Variants in EYS observed in about 807,000 individuals in gnomAD.
The protein encoded by EYS is EGF-like photoreceptor maintenance factor.
Under a neutral mutation model 282.1 loss-of-function variants are expected in EYS, and 250 were observed. The ratio of observed to expected loss-of-function variants is 0.89; its 90% CI spans 0.80 to 0.98. EYS has a LOEUF of 0.98. Ranked by LOEUF, EYS falls within the 50% of genes least tolerant of loss-of-function variation. The probability of loss-of-function intolerance (pLI) is 0.00; values close to 1 mark genes in which losing one functional copy is unlikely to be tolerated. For synonymous variants in EYS, 1,355 were observed against 1,282.9 expected (o/e 1.06, Z -1.20); for missense variants, 4,016 against 3,709.0 (o/e 1.08, Z -2.15).
chr6:63,885,873 T>A (rs1223960050), intron 35 of EYS, among the ~76,000 whole-genome samples: 1 of 152,224 alleles, frequency 6.6e-6, no homozygotes, highest in African/African-American at 2.4e-5. Flanking sequence ...TTGGCTAGAC[T>A]TGTACTCTTT....
chr6:65,414,919 A>G (rs1388698698), intron 5 of EYS, among the ~76,000 whole-genome samples: 2 of 152,108 alleles, frequency 1.3e-5, no homozygotes, highest in African/African-American at 4.8e-5. Flanking sequence ...AATGTATAGA[A>G]TGTGCACTTC....
intron 31 of EYS, among the ~76,000 whole-genome samples, chr6:64,204,869 T>C (rs181399803): frequency 5.9e-5 from 9 of 152,254 alleles, no homozygotes; most frequent in African/African-American, 2.2e-4. Context: ...TGCAAGCAAA[T>C]ATTGAGCTCC....
intron 7 of EYS, among the ~76,000 whole-genome samples, chr6:65,391,740 A>G (rs1247056781): frequency 1.3e-5 from 2 of 152,156 alleles, no homozygotes; most frequent in Non-Finnish European, 2.9e-5. Context: ...AAATGGCCAT[A>G]CTGCCCAAGG....
intron 12 of EYS, among the ~76,000 whole-genome samples, chr6:65,139,009 G>T (rs903023846): frequency 3.3e-5 from 5 of 152,100 alleles, no homozygotes; most frequent in Non-Finnish European, 7.4e-5. Context: ...TTCAGCCATT[G>T]TGGAAAGCAT....
chr6:65,361,039 T>C (rs558735804), intron 8 of EYS, among the ~76,000 whole-genome samples: 1 of 152,192 alleles, frequency 6.6e-6, no homozygotes, highest in East Asian at 1.9e-4. Flanking sequence ...TCTGTACTTT[T>C]ACCCAAGGTA....
At chr6:63,931,988 T>C (rs1215203213) in intron 35 of EYS, among the ~76,000 whole-genome samples, 1 of 152,166 alleles carries the variant, frequency 6.6e-6, no homozygotes, top group African/African-American at 2.4e-5. Flanking sequence ...TATGAGCTCA[T>C]ATTTTTGTAG....
At chr6:65,491,444 TG>T (rs1295262098) in intron 4 of EYS, 14 of 310,980 alleles carry the variant, frequency 4.5e-5, no homozygotes. Flanking sequence ...TTTGGCAATA[TG>T]TTTTTTTCCC....
At chr6:64,368,143 T>C (rs1378497919) in intron 29 of EYS, among the ~76,000 whole-genome samples, 1 of 152,110 alleles carries the variant, frequency 6.6e-6, no homozygotes, top group Non-Finnish European at 1.5e-5. Context: ...CTCGTCTGCG[T>C]CCACAGGTGC....
chr6:63,828,989 G>C (rs1027934108), intron 36 of EYS, among the ~76,000 whole-genome samples: 2 of 152,184 alleles, frequency 1.3e-5, no homozygotes, highest in Non-Finnish European at 2.9e-5. Flanking sequence ...TATCTATTGA[G>C]AGGAAAAGAA....
At chr6:64,696,267 T>A (rs1211115696) in intron 22 of EYS, among the ~76,000 whole-genome samples, 1 of 152,078 alleles carries the variant, frequency 6.6e-6, no homozygotes, top group African/African-American at 2.4e-5. Flanking sequence ...CAAGAAAGAA[T>A]CTCAGAATGT....
chr6:64,735,524 G>GA (rs1400618693), intron 22 of EYS, among the ~76,000 whole-genome samples: 1 of 151,864 alleles, frequency 6.6e-6, no homozygotes, highest in South Asian at 2.1e-4. Flanking sequence ...CACAAAATTT[G>GA]AAAAAAATTG....
At chr6:64,960,694 T>C (rs1268701539) in intron 14 of EYS, among the ~76,000 whole-genome samples, 1 of 152,140 alleles carries the variant, frequency 6.6e-6, no homozygotes, top group Non-Finnish European at 1.5e-5. Flanking sequence ...GCAGGTTTGT[T>C]CCATAGATAA....
intron 31 of EYS, among the ~76,000 whole-genome samples, chr6:64,204,418 A>C (rs1287811204): frequency 6.6e-6 from 1 of 152,194 alleles, no homozygotes; most frequent in African/African-American, 2.4e-5. Flanking sequence ...CAGAAATGTC[A>C]TAGCATCTTT....
At chr6:64,200,718 C>A (rs1432849492) in intron 31 of EYS, among the ~76,000 whole-genome samples, 1 of 152,016 alleles carries the variant, frequency 6.6e-6, no homozygotes, top group Non-Finnish European at 1.5e-5. Flanking sequence ...AGCTTCAGGG[C>A]TCTCAATTTG....
At chr6:64,298,613 A>G (rs989897615) in intron 30 of EYS, among the ~76,000 whole-genome samples, 1 of 152,190 alleles carries the variant, frequency 6.6e-6, no homozygotes, top group African/African-American at 2.4e-5. Context: ...AATGTAAAAA[A>G]TGAGAGACAA....
At chr6:65,666,128 A>G (rs925912203) in intron 1 of EYS, among the ~76,000 whole-genome samples, 1 of 151,248 alleles carries the variant, frequency 6.6e-6, no homozygotes, top group Non-Finnish European at 1.5e-5. Flanking sequence ...AAACTAAGTC[A>G]TTGGTGTCAT....
intron 12 of EYS, among the ~76,000 whole-genome samples, chr6:65,247,443 A>G (rs529282451): frequency 6.6e-6 from 1 of 152,174 alleles, no homozygotes; most frequent in East Asian, 1.9e-4. Context: ...TTTTATTCCT[A>G]ATATATAAAT....
At chr6:65,611,490 T>C (rs973683660) in intron 2 of EYS, among the ~76,000 whole-genome samples, 2 of 152,034 alleles carry the variant, frequency 1.3e-5, no homozygotes, top group Non-Finnish European at 1.5e-5. Flanking sequence ...TTTCTTTTTA[T>C]AGATAAATTC....
chr6:64,309,062 TA>T (rs1300116183), intron 29 of EYS, among the ~76,000 whole-genome samples: 11 of 152,202 alleles, frequency 7.2e-5, no homozygotes, highest in East Asian at 3.9e-4. Context: ...AGTTTACTAT[TA>T]AAAAAATGAT....
Sources: gnomAD v4.1 joint callset for allele counts (sites outside exome capture counted in the v4.1 genomes callset) on GRCh38, gnomAD v4.1.1 for gene constraint, MANE v1.5 for transcripts, NCBI Gene and HGNC (gene_info 2026-07-23, HGNC 2026-07-21) for gene names.